Variants in AKR1B15 observed in about 807,000 individuals in gnomAD.
AKR1B15 encodes estradiol 17-beta-dehydrogenase AKR1B15.
Under a neutral mutation model 38.5 loss-of-function variants are expected in AKR1B15, and 49 were observed. That is an observed-to-expected ratio of 1.27 (90% CI 1.01 to 1.62). AKR1B15 has a LOEUF of 1.62. Ranked by LOEUF, AKR1B15 falls within the 40% of genes most tolerant of loss-of-function variation. The pLI is 0.00. For synonymous variants in AKR1B15, 137 were observed against 135.5 expected, an observed-to-expected ratio of 1.01 and a Z score of -0.08; for missense variants, 411 against 381.6, an observed-to-expected ratio of 1.08 and a Z score of -0.64.
chr7:134,567,741 A>C (rs1017609379), intron 3 of AKR1B15, among the ~76,000 whole-genome samples: 2 of 152,212 alleles, frequency 1.3e-5, no homozygotes, highest in African/African-American at 4.8e-5. Context: ...GGTCTTCAGA[A>C]AGTTGTAGTG....
chr7:134,562,877 T>TC, intron 2 of AKR1B15, among the ~76,000 whole-genome samples: 1 of 143,544 alleles, frequency 7.0e-6, no homozygotes, highest in South Asian at 2.2e-4. Context: ...TTTCTTTCTT[T>TC]CTTTCTTTCT....
intron 3 of AKR1B15, among the ~76,000 whole-genome samples, chr7:134,565,964 G>A (rs1344042666): frequency 6.6e-6 from 1 of 152,080 alleles, no homozygotes; most frequent in Admixed American, 6.6e-5. Context: ...GTGGGACTTG[G>A]GCTAGCAGCA....
intron 5 of AKR1B15, chr7:134,570,135 GGCTGTCTTTTACA>G (rs1794637210): frequency 6.6e-6 from 1 of 152,458 alleles, no homozygotes; most frequent in South Asian, 2.1e-4. Context: ...CTCTGGGGAC[GGCTGTCTTTTACA>G]GTTGTAGATA....
chr7:134,571,315 G>C (rs578005778), intron 5 of AKR1B15, among the ~76,000 whole-genome samples: 2 of 152,188 alleles, frequency 1.3e-5, no homozygotes, highest in East Asian at 1.9e-4. Flanking sequence ...GGTGTGTATA[G>C]GATGTAGGTG....
chr7:134,574,611 T>C (rs866919774), intron 6 of AKR1B15, among the ~76,000 whole-genome samples: 11 of 152,240 alleles, frequency 7.2e-5, no homozygotes, highest in African/African-American at 2.7e-4. Context: ...CTTTTACATC[T>C]TGACAACTTC....
At chr7:134,565,082 T>G (rs1368047761) in intron 3 of AKR1B15, 1 of 301,638 alleles carries the variant, frequency 3.3e-6, no homozygotes, top group African/African-American at 2.1e-5. Context: ...AATAATGGAA[T>G]AAAAGCTGGC....
In AKR1B15 at chr7:134,564,655, T is replaced by G. The variant is rs1794491939; in HGVS notation, c.36T>G (p.Thr12=). The G allele has an allele frequency of 1.4e-6, 1 of 698,974 alleles. No individual in the cohort carries two copies. The highest frequency in any genetic ancestry group is 2.6e-6 in the Non-Finnish European group (1 of 384,032). 43.3% of individuals were successfully genotyped at this position (698,974 alleles called of 1,614,324 possible). ...VLQMEPQVNS[T]NNFHQGPLDQ... Reference sequence around the variant, plus strand: ...AAATGGAACCCCAAGTGAACTCAACTAACAACTTCCACCAAGGACCCCTGG... The same window carrying G: ...AAATGGAACCCCAAGTGAACTCAACGAACAACTTCCACCAAGGACCCCTGG... Residue 12 remains threonine (T), a synonymous_variant, in exon 3 of 12, where the codon ACT becomes ACG. Coordinates refer to ENST00000457545, the MANE Select transcript of AKR1B15 (RefSeq NM_001080538.3).
chr7:134,566,332 G>T (rs551334757), intron 3 of AKR1B15, among the ~76,000 whole-genome samples: 4 of 152,084 alleles, frequency 2.6e-5, no homozygotes, highest in Non-Finnish European at 5.9e-5. Flanking sequence ...AGAGTCTCAG[G>T]CTTCACCCAG....
In AKR1B15 at chr7:134,568,592, C is replaced by G. The variant is rs540702792; in HGVS notation, c.318+267C>G. ...CCTCCCTGTTCCCCATCAGAGGGAT[C>G]TACCATCTGCCCAGAGGCAGTCACA... On this transcript the variant is annotated intron_variant, in intron 4 of 11. Transcript: ENST00000457545. Among the ~76,000 whole-genome samples, 10 of 152,318 alleles carry G rather than the reference C, an allele frequency of 6.6e-5. No individual in the cohort carries two copies. In the East Asian group the frequency reaches 1.7e-3, roughly 26 times the overall value.
rs527966514 is a variant in AKR1B15, at chr7:134,571,997, C to T, written c.513+316C>T. Among the ~76,000 whole-genome samples the T allele has an allele frequency of 3.3e-5, 5 of 152,300 alleles. No individual in the cohort carries two copies. In the South Asian group the frequency reaches 1.0e-3, roughly 32 times the overall value. ...TTGGGCCTGGGTTTGCTCATAGCAG[C>T]TGAGTAACCTAGGGTCAGTTTTGTA... On this transcript the variant is annotated intron_variant, in intron 6 of 11. Coordinates refer to ENST00000457545, the MANE Select transcript of AKR1B15 (RefSeq NM_001080538.3).
intron 1 of AKR1B15, among the ~76,000 whole-genome samples, chr7:134,552,221 C>T (rs967293343): frequency 2.0e-5 from 3 of 152,146 alleles, no homozygotes; most frequent in Non-Finnish European, 2.9e-5. Flanking sequence ...ATCTCCTTCT[C>T]GGCCCAACAA....
chr7:134,573,542 G>A (rs1794706000), intron 6 of AKR1B15: 1 of 985,192 alleles, frequency 1.0e-6, no homozygotes, highest in South Asian at 4.7e-5. Flanking sequence ...GAATACGTAA[G>A]CATTGGATGT....
intron 9 of AKR1B15, 108 bp downstream of exon 9, chr7:134,576,538 G>A: frequency 2.3e-6 from 3 of 1,306,566 alleles, no homozygotes; most frequent in East Asian, 2.5e-5. Context: ...GAACACAGGA[G>A]CTGAAGCCCT....
intron 3 of AKR1B15, chr7:134,565,206 C>T: frequency 2.3e-6 from 1 of 430,952 alleles, no homozygotes; most frequent in Non-Finnish European, 4.1e-6. Flanking sequence ...GGGTCCACAC[C>T]ACCTTTAAGA....
chr7:134,549,400 C>A (rs1192813633), intron 1 of AKR1B15, among the ~76,000 whole-genome samples, 151 bp downstream of exon 1: 1 of 152,156 alleles, frequency 6.6e-6, no homozygotes, highest in Non-Finnish European at 1.5e-5. Context: ...CTCTCTCTAT[C>A]TCTTCTCCCT....
At chr7:134,549,603 G>A (rs901269208) in intron 1 of AKR1B15, among the ~76,000 whole-genome samples, 6 of 152,072 alleles carry the variant, frequency 3.9e-5, no homozygotes, top group Non-Finnish European at 8.8e-5. Flanking sequence ...ACCTCATAAG[G>A]CTTAGGGCGG....
chr7:134,559,624 G>A (rs1794322956), intron 2 of AKR1B15, among the ~76,000 whole-genome samples: 1 of 152,078 alleles, frequency 6.6e-6, no homozygotes. Flanking sequence ...ATTTTTCTTT[G>A]ACAAAATAAT....
rs781595313 is a variant in AKR1B15, at chr7:134,571,675, C to G, written c.507C>G (p.Ala169=). 2 of 1,612,954 alleles carry G rather than the reference C, an allele frequency of 1.2e-6. No homozygotes were observed. The highest frequency in any genetic ancestry group is 1.3e-5 in the African/African-American group (1 of 74,824). The change falls in exon 6 of 12, where the codon GCC becomes GCG. Residue 169 remains alanine, a synonymous_variant. Coordinates refer to ENST00000457545, the MANE Select transcript of AKR1B15 (RefSeq NM_001080538.3). The part of the protein sequence containing the change: ...MISGKGTFLD[A]WEAMEELVDE... ...GTGGAAAAGGAACGTTCTTGGATGC[C>G]TGGGAGGTAGGTTCCAGCTTTGTCT...
chr7:134,574,571 G>C (rs538565942), intron 6 of AKR1B15, among the ~76,000 whole-genome samples: 1 of 152,280 alleles, frequency 6.6e-6, no homozygotes, highest in African/African-American at 2.4e-5. Context: ...TGGACTGTAA[G>C]AATCCCAGAA....
Sources: gnomAD v4.1 joint callset for allele counts (sites outside exome capture counted in the v4.1 genomes callset) on GRCh38, gnomAD v4.1.1 for gene constraint, MANE v1.5 for transcripts, NCBI Gene and HGNC (gene_info 2026-07-23, HGNC 2026-07-21) for gene names.